PGM3: variants seen among roughly 807,000 people sequenced by gnomAD.
PGM3 encodes the protein phosphoglucomutase 3.
A neutral mutation model predicts 66.2 loss-of-function variants in PGM3; 40 were observed. That is an observed-to-expected ratio of 0.60 (90% confidence interval 0.47 to 0.79). The LOEUF (loss-of-function observed/expected upper bound fraction) is 0.79. PGM3 is among the 30% of genes least tolerant of loss of function. PGM3 has a pLI of 0.00. For missense variants in PGM3, 537 were observed against 643.4 expected, an observed-to-expected ratio of 0.83 and a Z score of 1.79; for synonymous variants, 191 against 224.2, an observed-to-expected ratio of 0.85 and a Z score of 1.32.
the PGM3 span, chr6:83,152,030 A>T: frequency 6.2e-7 from 1 of 1,613,828 alleles, no homozygotes; most frequent in Non-Finnish European, 8.5e-7. Context: ...TGTTGAAGGT[A>T]TTCTTGTCAA....
At chr6:83,172,351 G>A (rs772304536) in intron 10 of PGM3, among the ~76,000 whole-genome samples, 13 of 152,164 alleles carry the variant, frequency 8.5e-5, no homozygotes, top group Admixed American at 2.6e-4. Context: ...GCAGTGTGCT[G>A]TGATAATGCC....
rs1055464349 is a variant in PGM3, at chr6:83,179,949, T to C, written c.806A>G (p.Asn269Ser). 3 of 1,610,628 alleles carry C rather than the reference T, an allele frequency of 1.9e-6. No individual in the cohort carries two copies. Among genetic ancestry groups the C allele is most frequent in the Admixed American group, 1.7e-5 (1 of 59,662 alleles). Residue 269 changes from asparagine (N) to serine (S), a missense_variant, in exon 7 of 13, where the codon AAT becomes AGT. Coordinates refer to ENST00000513973, the MANE Select transcript of PGM3 (RefSeq NM_015599.3). ...KPPQGMEIKS[N>S]ERCCSFDGDA... ...TCCATCAAAAGAACAGCATCTTTCA[T>C]TGGACTTAATTTCCATTCCTAGCAC...
the PGM3 span, among the ~76,000 whole-genome samples, chr6:83,149,258 T>G: frequency 6.6e-6 from 1 of 152,196 alleles, no homozygotes; most frequent in African/African-American, 2.4e-5. Flanking sequence ...TCTTTGTGTC[T>G]TGAAGTTTTC....
Position 83,169,049 on chromosome 6 carries a change from A to G in PGM3, c.*185T>C. 2.2e-6 allele frequency: 3 copies of G among 1,377,338 alleles called. No homozygotes were observed. The highest frequency in any genetic ancestry group is 1.8e-5 in the South Asian group (1 of 55,084). The allele number at this position is 1,377,338 out of a possible 1,614,324, so 85.3% of individuals were successfully genotyped here. On this transcript the variant is annotated 3_prime_UTR_variant, in exon 13 of 13. Coordinates refer to ENST00000513973, the MANE Select transcript of PGM3 (RefSeq NM_015599.3). ...AAATTAGAGGTAAATTTCTTTAACAAGTGTAAGGCTTACCTATTTATAAAG... is the reference window on the plus strand; with the variant it reads ...AAATTAGAGGTAAATTTCTTTAACAGGTGTAAGGCTTACCTATTTATAAAG...
downstream of PGM3, among the ~76,000 whole-genome samples, chr6:83,158,925 A>C (rs1405422633): frequency 6.6e-6 from 1 of 152,184 alleles, no homozygotes; most frequent in Non-Finnish European, 1.5e-5. Flanking sequence ...GAAACATTGC[A>C]ACATATAGCC....
At chr6:83,150,838 A>G in the PGM3 span, among the ~76,000 whole-genome samples, 1 of 152,192 alleles carries the variant, frequency 6.6e-6, no homozygotes, top group Non-Finnish European at 1.5e-5. Context: ...ACATAGAAAA[A>G]TACACAAATA....
intron 4 of PGM3, among the ~76,000 whole-genome samples, chr6:83,184,075 A>T (rs1788396539): frequency 6.6e-6 from 1 of 152,158 alleles, no homozygotes; most frequent in Non-Finnish European, 1.5e-5. Context: ...CAGAAGCCAG[A>T]CTAAACTTTA....
At chr6:83,153,960 C>T in the PGM3 span, 42 of 1,613,930 alleles carry the variant, frequency 2.6e-5, no homozygotes, top group Non-Finnish European at 3.3e-5. Context: ...GGTATCAGTA[C>T]ACACGGAGAG....
intron 9 of PGM3, among the ~76,000 whole-genome samples, chr6:83,174,950 T>C (rs564585095): frequency 1.3e-4 from 20 of 152,310 alleles, no homozygotes; most frequent in African/African-American, 4.6e-4. Context: ...CATCAAAATA[T>C]GGCAAATAAT....
At chr6:83,181,712 T>C in intron 6 of PGM3, 24 bp downstream of exon 6, 2 of 1,538,140 alleles carry the variant, frequency 1.3e-6, no homozygotes, top group East Asian at 4.6e-5. Flanking sequence ...AAAAACAAAT[T>C]TTTGCAGTGC....
chr6:83,151,044 A>G, the PGM3 span, among the ~76,000 whole-genome samples: 2 of 152,220 alleles, frequency 1.3e-5, no homozygotes, highest in Admixed American at 1.3e-4. Flanking sequence ...CTATAAGTAT[A>G]TATAAATATT....
chr6:83,167,979 A>C lies in PGM3; in HGVS notation c.*1255T>G. The C allele has an allele frequency of 6.2e-7, 1 of 1,614,222 alleles. No individual in the cohort carries two copies. Among genetic ancestry groups the C allele is most frequent in the Non-Finnish European group, 8.5e-7 (1 of 1,180,036 alleles). The stretch of plus-strand genomic sequence containing the variant: ...GCTCCTGCCGTTCTTCAATGTGCTC[A>C]GTCAAGTCTTCAACAGCAAAGTCAC... On this transcript the variant is annotated 3_prime_UTR_variant, in exon 13 of 13. Transcript: ENST00000513973.
chr6:83,192,012 A>T (rs1438215094), intron 1 of PGM3, among the ~76,000 whole-genome samples: 1 of 149,920 alleles, frequency 6.7e-6, no homozygotes, highest in Non-Finnish European at 1.5e-5. Context: ...CAGGCCTGTA[A>T]TCCCGGCATT....
downstream of PGM3, among the ~76,000 whole-genome samples, chr6:83,158,971 T>C (rs1039893507): frequency 6.6e-6 from 1 of 152,222 alleles, no homozygotes; most frequent in African/African-American, 2.4e-5. Flanking sequence ...AACCAGGCTA[T>C]TCGTATATGC....
the PGM3 span, chr6:83,151,675 A>G: frequency 2.1e-4 from 340 of 1,589,172 alleles, no homozygotes; most frequent in African/African-American, 4.2e-3. Context: ...GCAGTCTAAG[A>G]GCTGTTGCCA....
chr6:83,177,349 T>C (rs1207768947), intron 8 of PGM3, among the ~76,000 whole-genome samples: 1 of 152,012 alleles, frequency 6.6e-6, no homozygotes, highest in East Asian at 1.9e-4. Flanking sequence ...CCCTGGTAAC[T>C]CTCCGAGCAA....
chr6:83,178,610 A>G lies in PGM3; in HGVS notation c.1029+63T>C, dbSNP rs532266235. 7.8e-6 allele frequency: 7 copies of G among 892,416 alleles called. No homozygotes were observed. In the African/African-American group the frequency reaches 9.8e-5, roughly 12 times the overall value. The allele number at this position is 892,416 out of a possible 1,614,324, so 55.3% of individuals were successfully genotyped here. ...ACATAATCACTTTTATGAGGGCAGT[A>G]TCTTTCTCACAGAAACATGATCTTA... On this transcript the variant is annotated intron_variant, in intron 8 of 12. Coordinates refer to ENST00000513973, the MANE Select transcript of PGM3 (RefSeq NM_015599.3).
In PGM3 at chr6:83,167,920, T is replaced by G; in HGVS notation, c.*1314A>C. The G allele has an allele frequency of 2.5e-6, 4 of 1,613,972 alleles. No individual in the cohort carries two copies. The highest frequency in any genetic ancestry group is 3.4e-6 in the Non-Finnish European group (4 of 1,179,940). Reference sequence around the variant, plus strand: ...TTGGGTTGGGAGCCAGGGCACTTGCTGCTCACCATCTGCACCGTGCGCAGT... The same window carrying G: ...TTGGGTTGGGAGCCAGGGCACTTGCGGCTCACCATCTGCACCGTGCGCAGT... On this transcript the variant is annotated 3_prime_UTR_variant, in exon 13 of 13. Coordinates refer to ENST00000513973, the MANE Select transcript of PGM3 (RefSeq NM_015599.3).
intron 3 of PGM3, 126 bp downstream of exon 3, chr6:83,188,488 A>G: frequency 5.7e-6 from 4 of 704,576 alleles, no homozygotes; most frequent in Non-Finnish European, 9.5e-6. Context: ...AAGGCCAGGC[A>G]GGTAGACATG....
Sources: allele counts gnomAD v4.1 joint callset (sites outside exome capture counted in the v4.1 genomes callset), GRCh38; gene constraint gnomAD v4.1.1; transcripts MANE v1.5; gene names NCBI Gene and HGNC (gene_info 2026-07-23, HGNC 2026-07-21).